The following TARBP1 variants were observed in gnomAD, a reference collection of about 807,000 sequenced individuals.
TARBP1 encodes tRNA (guanosine(18)-2'-O)-methyltransferase TARBP1.
In TARBP1, 144 loss-of-function variants were observed where a neutral mutation model predicts 178.6. The observed-to-expected ratio is 0.81, with a 90% confidence interval of 0.70 to 0.93. The LOEUF is 0.93. TARBP1 is among the 40% of genes least tolerant of loss of function. The probability of loss-of-function intolerance (pLI) is 0.00; values close to 1 mark genes in which losing one functional copy is unlikely to be tolerated. For missense variants in TARBP1, 2,067 were observed against 2,011.7 expected (o/e 1.03, Z -0.53); for synonymous variants, 787 against 781.0 (o/e 1.01, Z -0.13).
chr1:234,422,191 TG>T (rs1295305562), intron 20 of TARBP1, among the ~76,000 whole-genome samples: 4 of 152,188 alleles, frequency 2.6e-5, no homozygotes, highest in Non-Finnish European at 5.9e-5. Context: ...CACCCTCAAC[TG>T]GAAGTTGAGA....
rs1553308871 is a variant in TARBP1, at chr1:234,478,692, C to T, written c.412G>A (p.Glu138Lys). The T allele has an allele frequency of 8.2e-7, 1 of 1,213,842 alleles. No homozygotes were observed. Among genetic ancestry groups the T allele is most frequent in the Non-Finnish European group, 1.0e-6 (1 of 975,404 alleles). The allele number at this position is 1,213,842 out of a possible 1,614,324, so 75.2% of individuals were successfully genotyped here. A position where few individuals can be genotyped will look rare whatever the true frequency, so the allele number is the denominator to read the frequency against. The change falls in exon 1 of 30, where the codon GAG (glutamate) becomes AAG (lysine). Residue 138 changes from glutamate (E) to lysine (K), a missense_variant. By Grantham distance (56) the Glu-to-Lys change is moderately conservative (BLOSUM62 1). Coordinates refer to ENST00000040877, the MANE Select transcript of TARBP1 (RefSeq NM_005646.4). ...GCTGCTAGCACTTCCACGGCAGCCT[C>T]GGCGCCAGGCGCGCGCCACCCGGCG... is the stretch of plus-strand genomic sequence containing the variant. The part of the protein sequence containing the change: ...LLAGWRAPGA[E>K]AAVEVLAAVG...
At chr1:234,419,033 G>A (rs946065156) in intron 21 of TARBP1, among the ~76,000 whole-genome samples, 1 of 152,128 alleles carries the variant, frequency 6.6e-6, no homozygotes, top group East Asian at 1.9e-4. Flanking sequence ...TTAGCCGGGT[G>A]AGGTGGTGGG....
chr1:234,460,393 C>T lies in TARBP1; in HGVS notation c.1403G>A (p.Ser468Asn). 2 of 1,613,608 alleles carry T rather than the reference C, an allele frequency of 1.2e-6. No homozygotes were observed. The highest frequency in any genetic ancestry group is 1.7e-6 in the Non-Finnish European group (2 of 1,179,884). ...ISLLPEEIKS[S>N]FLLKFIRKMT... ...CTTCCGAATAAACTTCAATAGGAAG[C>T]TACCTGAAAGAAAAAGTTTTAAATT... The change falls in exon 7 of 30, where the codon AGC becomes AAC. Residue 468 changes from serine to asparagine, a missense_variant. Coordinates refer to ENST00000040877, the MANE Select transcript of TARBP1 (RefSeq NM_005646.4).
chr1:234,436,832 A>G (rs2103159598), intron 13 of TARBP1, among the ~76,000 whole-genome samples: 1 of 152,334 alleles, frequency 6.6e-6, no homozygotes, highest in South Asian at 2.1e-4. Flanking sequence ...GACAGAGAAG[A>G]CAGCTACAGT....
Position 234,460,251 on chromosome 1 carries a change from A to T in TARBP1, c.1535+10T>A. 6.2e-7 allele frequency: 1 copy of T among 1,611,790 alleles called. No homozygotes were observed. On this transcript the variant is annotated intron_variant, in intron 7 of 29. Transcript: ENST00000040877. Reference sequence around the variant, plus strand: ...AATAACCATACAAGTACATATACAGAGTAAATTACCTGAGAGCAAGAAGCC... The same window carrying T: ...AATAACCATACAAGTACATATACAGTGTAAATTACCTGAGAGCAAGAAGCC...
At chr1:234,406,189 C>T in intron 23 of TARBP1, 90 bp from the exon 24 acceptor site, 2 of 1,188,726 alleles carry the variant, frequency 1.7e-6, no homozygotes, top group South Asian at 3.0e-5. Flanking sequence ...ACGAATGATA[C>T]AACTGCTCCT....
At chr1:234,439,781 A>T (rs1019191807) in intron 12 of TARBP1, among the ~76,000 whole-genome samples, 5 of 152,156 alleles carry the variant, frequency 3.3e-5, no homozygotes, top group African/African-American at 7.2e-5. Context: ...AGCCAAGATC[A>T]CACCATTGCA....
chr1:234,456,683 T>C (rs969901672), intron 9 of TARBP1, among the ~76,000 whole-genome samples: 2 of 152,202 alleles, frequency 1.3e-5, no homozygotes, highest in African/African-American at 4.8e-5. Flanking sequence ...AGATCATATG[T>C]ATTATTTTAA....
intron 28 of TARBP1, 69 bp downstream of exon 28, chr1:234,393,293 A>T: frequency 7.4e-7 from 1 of 1,343,574 alleles, no homozygotes; most frequent in African/African-American, 1.5e-5. Flanking sequence ...TTAAACTTTT[A>T]TTTTAGGTTC....
intron 2 of TARBP1, 40 bp from the exon 3 acceptor site, chr1:234,471,297 C>T: frequency 7.4e-7 from 1 of 1,347,934 alleles, no homozygotes; most frequent in Admixed American, 2.1e-5. Context: ...AATGAAAATG[C>T]ATCTTGAAAA....
rs1463980872 is a variant in TARBP1, at chr1:234,418,184, T to C, written c.3605A>G (p.Asn1202Ser). Residue 1202 changes from asparagine (N) to serine (S), a missense_variant, in exon 22 of 30, where the codon AAC becomes AGC. Asn to Ser is a conservative substitution (Grantham distance 46). Coordinates refer to ENST00000040877, the MANE Select transcript of TARBP1 (RefSeq NM_005646.4). ...IDRIFQAGFT[N>S]NQASIKYFIE... is the part of the protein sequence containing the mutation. ...AAAATATTTTATGGATGCTTGATTG[T>C]TGGTGAAACCAGCCTGGAAAATCCT... is the stretch of plus-strand genomic sequence containing the variant. 1 of 1,555,130 alleles carries C rather than the reference T, an allele frequency of 6.4e-7. No homozygotes were observed. Among genetic ancestry groups the C allele is most frequent in the Admixed American group, 2.3e-5 (1 of 43,792 alleles).
intron 19 of TARBP1, among the ~76,000 whole-genome samples, chr1:234,426,987 T>C (rs180751655): frequency 6.6e-6 from 1 of 152,202 alleles, no homozygotes; most frequent in African/African-American, 2.4e-5. Context: ...AAAAAAGGAC[T>C]GGAGAATAAA....
chr1:234,401,181 C>T lies in TARBP1; in HGVS notation c.4071G>A (p.Glu1357=), dbSNP rs1438391664. Residue 1357 remains glutamate, a splice_region_variant and synonymous_variant, in exon 25 of 30, where the codon GAG becomes GAA. Transcript: ENST00000040877. ...TTTACAAATGATATTCTCTACTCACCTCTAGACAATAATCCTTGAGTGGGT... is the reference window on the plus strand; with the variant it reads ...TTTACAAATGATATTCTCTACTCACTTCTAGACAATAATCCTTGAGTGGGT... ...TFHPLKDYCL[E]TIFYILPRLS... The T allele has an allele frequency of 1.2e-6, 2 of 1,610,348 alleles. No individual in the cohort carries two copies. Among genetic ancestry groups the T allele is most frequent in the African/African-American group, 2.7e-5 (2 of 74,938 alleles).
rs758225375 is a variant in TARBP1 at position 234,420,690 on chromosome 1, A to G, written c.3555+12T>C. On this transcript the variant is annotated intron_variant, in intron 21 of 29. Coordinates refer to ENST00000040877, the MANE Select transcript of TARBP1 (RefSeq NM_005646.4). ...ATGCTTCAAAGGTACAAATATAATA[A>G]AAATATGATACCTGGTCAAGTCTAG... 4.2e-5 allele frequency: 65 copies of G among 1,564,244 alleles called. No individual in the cohort carries two copies. The highest frequency in any genetic ancestry group is 5.4e-5 in the Admixed American group (3 of 55,744).
intron 1 of TARBP1, among the ~76,000 whole-genome samples, chr1:234,477,261 TA>T: frequency 6.6e-6 from 1 of 152,210 alleles, no homozygotes; most frequent in African/African-American, 2.4e-5. Context: ...TTTGATGATT[TA>T]AAAAATGTTT....
Position 234,420,952 on chromosome 1 carries a change from G to T in TARBP1, c.3445-140C>A, listed in dbSNP as rs189786888. The T allele has an allele frequency of 1.2e-3, 534 of 464,108 alleles. 2 individuals are homozygous for T. Among genetic ancestry groups the T allele is most frequent in the Middle Eastern group, 5.1e-3 (9 of 1,768 alleles). The allele number at this position is 464,108 out of a possible 1,614,324, so 28.7% of individuals were successfully genotyped here. Reference sequence around the variant, plus strand: ...TCTTCCCCCAAAAAGCAGTTAGGAGGATGAGAAAAAGAATGGCACCTTAAA... The same window carrying T: ...TCTTCCCCCAAAAAGCAGTTAGGAGTATGAGAAAAAGAATGGCACCTTAAA... On this transcript the variant is annotated intron_variant, in intron 20 of 29. Transcript: ENST00000040877.
intron 7 of TARBP1, among the ~76,000 whole-genome samples, chr1:234,459,528 T>C (rs1049596701): frequency 2.0e-5 from 3 of 152,118 alleles, no homozygotes; most frequent in Non-Finnish European, 2.9e-5. Flanking sequence ...AATAAGACTA[T>C]AGGCCGGGCG....
Position 234,478,787 on chromosome 1 carries a change from G to T in TARBP1, c.317C>A (p.Ser106Ter). Reference protein sequence around the residue: ...VLRAAGAALRSCVRLAGRPQL... With the variant: ...VLRAAGAALR ...CGGACGCCCGGCCAGGCGGACGCAC[G>T]AGCGCAGGGCCGCGCCCGCCGCCCT... Residue 106 changes from serine (S) to a stop codon, truncating the protein, a stop_gained, in exon 1 of 30, where the codon TCG becomes TAG. Transcript: ENST00000040877. LOFTEE classifies it high-confidence loss of function. 4 of 1,133,496 alleles carry T rather than the reference G, an allele frequency of 3.5e-6. No individual in the cohort carries two copies. Among genetic ancestry groups the T allele is most frequent in the South Asian group, 8.0e-5 (2 of 25,132 alleles). The allele number at this position is 1,133,496 out of a possible 1,614,324, so 70.2% of individuals were successfully genotyped here.
rs1031449426 is a variant in TARBP1 at position 234,391,326 on chromosome 1, A to G, written c.*251T>C. On this transcript the variant is annotated 3_prime_UTR_variant, in exon 30 of 30. Coordinates refer to ENST00000040877, the MANE Select transcript of TARBP1 (RefSeq NM_005646.4). Reference sequence around the variant, plus strand: ...CTAGGAAATAAATTCTCTCTTAAAAAATCCATTGTTTTATTTCCACAATTG... The same window carrying G: ...CTAGGAAATAAATTCTCTCTTAAAAGATCCATTGTTTTATTTCCACAATTG... 3 of 346,548 alleles carry G rather than the reference A, an allele frequency of 8.7e-6. No individual in the cohort carries two copies. The highest frequency in any genetic ancestry group is 4.5e-5 in the Admixed American group (1 of 22,336). 21.5% of individuals were successfully genotyped at this position (346,548 alleles called of 1,614,324 possible).
Sources: gnomAD v4.1 joint callset for allele counts (sites outside exome capture counted in the v4.1 genomes callset) on GRCh38, gnomAD v4.1.1 for gene constraint, MANE v1.5 for transcripts, NCBI Gene and HGNC (gene_info 2026-07-23, HGNC 2026-07-21) for gene names.